The following PGAP4 variants were observed in gnomAD, a reference collection of about 807,000 sequenced individuals.
The protein encoded by PGAP4 is post-GPI attachment to proteins GalNAc transferase 4, also known as GPI-N-acetylgalactosamine transferase PGAP4.
A neutral mutation model predicts 28.2 loss-of-function variants in PGAP4; 12 were observed. The ratio of observed to expected loss-of-function variants is 0.42; its 90% CI spans 0.27 to 0.69. The LOEUF (loss-of-function observed/expected upper bound fraction) is 0.69. Ranked by LOEUF, PGAP4 falls within the 30% of genes least tolerant of loss-of-function variation. The probability of loss-of-function intolerance (pLI) is 0.22; values close to 1 mark genes in which losing one functional copy is unlikely to be tolerated. For missense variants in PGAP4, 425 were observed against 513.5 expected (o/e 0.83, Z 1.67); for synonymous variants, 205 against 211.8 (o/e 0.97, Z 0.28).
At chr9:101,527,466 T>C (rs1223651373) in intron 2 of PGAP4, among the ~76,000 whole-genome samples, 1 of 152,212 alleles carries the variant, frequency 6.6e-6, no homozygotes, top group African/African-American at 2.4e-5. Flanking sequence ...CAGTTATATT[T>C]ATATCAATTC....
chr9:101,479,912 C>G (rs1161320159), intron 1 of PGAP4: 1 of 152,100 alleles, frequency 6.6e-6, no homozygotes, highest in Non-Finnish European at 1.5e-5. Flanking sequence ...GAGGCCAAGT[C>G]AAAACATGCA....
chr9:101,521,159 G>A (rs1466458671), intron 2 of PGAP4, among the ~76,000 whole-genome samples: 1 of 152,122 alleles, frequency 6.6e-6, no homozygotes, highest in Non-Finnish European at 1.5e-5. Context: ...TATTCATCAA[G>A]GATATCAGTC....
chr9:101,524,880 G>A (rs147950355), intron 2 of PGAP4, among the ~76,000 whole-genome samples: 1,614 of 152,246 alleles, frequency 0.011, 14 homozygotes, highest in Middle Eastern at 0.024. Context: ...GGGTCCTCTC[G>A]GGATTGCTGG....
chr9:101,480,221 A>T (rs1454071617), intron 1 of PGAP4, among the ~76,000 whole-genome samples: 2 of 152,114 alleles, frequency 1.3e-5, no homozygotes, highest in African/African-American at 4.8e-5. Context: ...TTCAGTAATG[A>T]TCCCCAAAAT....
At chr9:101,496,497 T>C (rs1351459363) in intron 2 of PGAP4, among the ~76,000 whole-genome samples, 2 of 151,538 alleles carry the variant, frequency 1.3e-5, no homozygotes, top group African/African-American at 2.4e-5. Flanking sequence ...TAGAAGACCA[T>C]AATTTTTAGT....
At chr9:101,483,699 A>G (rs1001137059) in intron 1 of PGAP4, among the ~76,000 whole-genome samples, 3 of 152,176 alleles carry the variant, frequency 2.0e-5, no homozygotes, top group Non-Finnish European at 4.4e-5. Flanking sequence ...TCTATATTAT[A>G]ATGACTGCTT....
rs575345207 is a variant in PGAP4 at position 101,518,616 on chromosome 9, C to T, written c.-165+12732G>A. On this transcript the variant is annotated intron_variant, in intron 2 of 3. Coordinates refer to the PGAP4 transcript ENST00000374851. The stretch of plus-strand genomic sequence containing the variant: ...TTCACTTAGAATAATAGTCTCCAGT[C>T]TCATCTAGGTCTCTGCGAATGGTGT... Among the ~76,000 whole-genome samples the T allele has an allele frequency of 4.6e-5, 7 of 152,304 alleles. No individual in the cohort carries two copies. In the South Asian group the frequency reaches 1.0e-3, roughly 23 times the overall value.
intron 2 of PGAP4, among the ~76,000 whole-genome samples, chr9:101,524,832 G>A (rs1827020487): frequency 6.6e-6 from 1 of 152,180 alleles, no homozygotes; most frequent in South Asian, 2.1e-4. Flanking sequence ...GCTCTCCTGG[G>A]TCCTGCAGGA....
chr9:101,475,790 G>T lies in PGAP4; in HGVS notation c.*91C>A. On this transcript the variant is annotated 3_prime_UTR_variant, in exon 2 of 2. Coordinates refer to ENST00000374848, the MANE Select transcript of PGAP4 (RefSeq NM_032342.3). Reference sequence around the variant, plus strand: ...TATATCTCTAACAACAGTAAACAGTGAAATACCTGCAGGCAACCATGTCTA... The same window carrying T: ...TATATCTCTAACAACAGTAAACAGTTAAATACCTGCAGGCAACCATGTCTA... The T allele has an allele frequency of 7.3e-7, 1 of 1,368,356 alleles. No individual in the cohort carries two copies. Among genetic ancestry groups the T allele is most frequent in the South Asian group, 1.4e-5 (1 of 73,546 alleles). 84.8% of individuals were successfully genotyped at this position (1,368,356 alleles called of 1,614,324 possible). A position where few individuals can be genotyped will look rare whatever the true frequency, so the allele number is the denominator to read the frequency against.
intron 2 of PGAP4, among the ~76,000 whole-genome samples, chr9:101,506,401 C>T (rs138750555): frequency 1.3e-5 from 2 of 152,180 alleles, no homozygotes; most frequent in African/African-American, 4.8e-5. Context: ...GAATTTGCTT[C>T]TCAACCTATA....
chr9:101,487,297 G>T (rs557783209), upstream of PGAP4: 3 of 152,362 alleles, frequency 2.0e-5, no homozygotes, highest in East Asian at 5.8e-4. Flanking sequence ...TTTTGTGAGG[G>T]GACTAGAAGC....
At chr9:101,519,215 T>C (rs893884494) in intron 2 of PGAP4, among the ~76,000 whole-genome samples, 1 of 152,134 alleles carries the variant, frequency 6.6e-6, no homozygotes, top group Non-Finnish European at 1.5e-5. Context: ...TGGAGTGCAA[T>C]GGTGCAATCT....
chr9:101,495,126 T>C (rs890161162), intron 2 of PGAP4, among the ~76,000 whole-genome samples: 2 of 126,432 alleles, frequency 1.6e-5, no homozygotes, highest in Non-Finnish European at 3.2e-5. Flanking sequence ...CCTAATTATT[T>C]ACTATTTCTA....
chr9:101,485,549 G>C (rs1826594179), intron 1 of PGAP4, among the ~76,000 whole-genome samples: 1 of 152,224 alleles, frequency 6.6e-6, no homozygotes, highest in East Asian at 1.9e-4. Context: ...ACTGAAAAAT[G>C]GGCAGAAGAA....
At chr9:101,510,958 C>T (rs899459286) in intron 2 of PGAP4, among the ~76,000 whole-genome samples, 1 of 152,160 alleles carries the variant, frequency 6.6e-6, no homozygotes, top group Non-Finnish European at 1.5e-5. Context: ...TATGAGTCTA[C>T]AAGCAATTGA....
intron 2 of PGAP4, among the ~76,000 whole-genome samples, chr9:101,492,407 T>C (rs1470857519): frequency 1.3e-5 from 2 of 152,318 alleles, no homozygotes; most frequent in East Asian, 3.9e-4. Flanking sequence ...TTAGCCAGGA[T>C]GGTCTTGATA....
At chr9:101,481,413 C>A (rs1826484801) in intron 1 of PGAP4, 1 of 152,362 alleles carries the variant, frequency 6.6e-6, no homozygotes, top group African/African-American at 2.4e-5. Context: ...TCCAGAGACA[C>A]TGTGGACTGA....
At chr9:101,487,765 A>G (rs1255112250), upstream of PGAP4, among the ~76,000 whole-genome samples, 3 of 152,324 alleles carry the variant, frequency 2.0e-5, no homozygotes, top group African/African-American at 7.2e-5. Context: ...GTTTTTTGCA[A>G]TATTTCATGG....
intron 2 of PGAP4, among the ~76,000 whole-genome samples, chr9:101,493,852 T>C (rs1246074223): frequency 6.6e-6 from 1 of 152,106 alleles, no homozygotes; most frequent in Non-Finnish European, 1.5e-5. Context: ...GCAGTTTTTG[T>C]TGGAGAGTTG....
Sources: allele counts gnomAD v4.1 joint callset (sites outside exome capture counted in the v4.1 genomes callset), GRCh38; gene constraint gnomAD v4.1.1; transcripts MANE v1.5; gene names NCBI Gene and HGNC (gene_info 2026-07-23, HGNC 2026-07-21).